HS6ST3: variants seen among roughly 807,000 people sequenced by gnomAD.
HS6ST3 encodes heparan sulfate 6-O-sulfotransferase 3.
HS6ST3 carries 12 observed loss-of-function variants against 36.7 expected under a neutral mutation model. The ratio of observed to expected loss-of-function variants is 0.33; its 90% CI spans 0.21 to 0.53. The LOEUF is 0.53. HS6ST3 is among the 20% of genes least tolerant of loss of function. The pLI is 0.95. For synonymous variants in HS6ST3, 240 were observed against 257.5 expected, an observed-to-expected ratio of 0.93 and a Z score of 0.65; for missense variants, 584 against 640.9, an observed-to-expected ratio of 0.91 and a Z score of 0.96.
intron 1 of HS6ST3, among the ~76,000 whole-genome samples, chr13:96,188,968 A>G (rs888872025): frequency 6.6e-6 from 1 of 152,274 alleles, no homozygotes. Context: ...ATATGTAGCT[A>G]TGGCTAGCAC....
At chr13:96,199,605 G>T (rs1389166117) in intron 1 of HS6ST3, among the ~76,000 whole-genome samples, 2 of 152,102 alleles carry the variant, frequency 1.3e-5, no homozygotes, top group Non-Finnish European at 2.9e-5. Context: ...TGGGGGTTCT[G>T]ATTTCTGCAT....
At chr13:96,697,168 T>C (rs1421255734) in intron 1 of HS6ST3, among the ~76,000 whole-genome samples, 1 of 151,572 alleles carries the variant, frequency 6.6e-6, no homozygotes, top group South Asian at 2.1e-4. Flanking sequence ...ATAAAATGTA[T>C]AGATGTGTGT....
intron 1 of HS6ST3, among the ~76,000 whole-genome samples, chr13:96,172,487 GTTAC>G (rs1280576063): frequency 6.6e-5 from 10 of 152,228 alleles, no homozygotes; most frequent in Admixed American, 4.6e-4. Flanking sequence ...TTACTTTCCT[GTTAC>G]TTACTCTGAA....
At chr13:96,229,327 C>G (rs2054496421) in intron 1 of HS6ST3, among the ~76,000 whole-genome samples, 1 of 152,098 alleles carries the variant, frequency 6.6e-6, no homozygotes, top group Admixed American at 6.5e-5. Context: ...TAGACTGGTG[C>G]ATTAGTCAGG....
intron 1 of HS6ST3, among the ~76,000 whole-genome samples, chr13:96,522,853 C>G (rs1369590254): frequency 6.6e-6 from 1 of 152,078 alleles, no homozygotes; most frequent in Non-Finnish European, 1.5e-5. Context: ...GACATTTATC[C>G]CATTTACATT....
intron 1 of HS6ST3, among the ~76,000 whole-genome samples, chr13:96,476,601 T>A (rs1417291398): frequency 6.6e-6 from 1 of 152,182 alleles, no homozygotes; most frequent in Non-Finnish European, 1.5e-5. Context: ...GACCTCGTGA[T>A]TGGCCAGCCT....
intron 1 of HS6ST3, among the ~76,000 whole-genome samples, chr13:96,334,570 G>A (rs2055090177): frequency 6.6e-6 from 1 of 152,190 alleles, no homozygotes; most frequent in Admixed American, 6.5e-5. Context: ...CCATATGGCT[G>A]GGGAGGCCCC....
At chr13:96,456,935 A>T (rs1406614330) in intron 1 of HS6ST3, among the ~76,000 whole-genome samples, 1 of 152,150 alleles carries the variant, frequency 6.6e-6, no homozygotes, top group African/African-American at 2.4e-5. Flanking sequence ...TATTTATAAG[A>T]TAAATTAATC....
chr13:96,493,827 T>C (rs533933655), intron 1 of HS6ST3, among the ~76,000 whole-genome samples: 22 of 152,316 alleles, frequency 1.4e-4, no homozygotes, highest in African/African-American at 5.3e-4. Context: ...AAAAATGTTA[T>C]GATTTATTAA....
chr13:96,731,905 C>A (rs1425535686), intron 1 of HS6ST3, among the ~76,000 whole-genome samples: 2 of 152,128 alleles, frequency 1.3e-5, no homozygotes, highest in Admixed American at 1.3e-4. Flanking sequence ...ATCCTCCTGG[C>A]TCCATCTCCC....
At chr13:96,731,510 G>A (rs987166481) in intron 1 of HS6ST3, among the ~76,000 whole-genome samples, 1 of 152,096 alleles carries the variant, frequency 6.6e-6, no homozygotes. Context: ...TACTTAGGTT[G>A]ATTCTGTATC....
intron 1 of HS6ST3, among the ~76,000 whole-genome samples, chr13:96,341,755 G>A (rs534443488): frequency 6.6e-6 from 1 of 152,080 alleles, no homozygotes; most frequent in South Asian, 2.1e-4. Flanking sequence ...TAGGAAATTG[G>A]GTAAAAATTC....
chr13:96,514,754 G>C (rs527460279), intron 1 of HS6ST3, among the ~76,000 whole-genome samples: 30 of 152,296 alleles, frequency 2.0e-4, no homozygotes, highest in African/African-American at 7.0e-4. Context: ...AGCTTGAGCA[G>C]ACTAATCTGG....
At chr13:96,116,873 C>A (rs541138807) in intron 1 of HS6ST3, among the ~76,000 whole-genome samples, 1 of 151,950 alleles carries the variant, frequency 6.6e-6, no homozygotes, top group Admixed American at 6.6e-5. Flanking sequence ...CAGGGAAACT[C>A]GAAGTAGGTA....
chr13:96,806,851 T>C (rs995297249), intron 1 of HS6ST3, among the ~76,000 whole-genome samples: 1 of 151,510 alleles, frequency 6.6e-6, no homozygotes, highest in Non-Finnish European at 1.5e-5. Flanking sequence ...TGTCCAAGCT[T>C]TTTATAAGCT....
intron 1 of HS6ST3, among the ~76,000 whole-genome samples, chr13:96,417,221 A>T (rs2055537995): frequency 6.6e-6 from 1 of 152,100 alleles, no homozygotes; most frequent in Non-Finnish European, 1.5e-5. Context: ...GAACCAATAA[A>T]TTGATTCATT....
chr13:96,254,481 A>G (rs1384133516), intron 1 of HS6ST3, among the ~76,000 whole-genome samples: 2 of 23,748 alleles, frequency 8.4e-5, no homozygotes, highest in African/African-American at 2.7e-4. Context: ...ATATATATAT[A>G]TATATATATA....
At chr13:96,629,681 T>C (rs1488144148) in intron 1 of HS6ST3, among the ~76,000 whole-genome samples, 1 of 152,214 alleles carries the variant, frequency 6.6e-6, no homozygotes, top group Admixed American at 6.5e-5. Flanking sequence ...TTCAATGTTA[T>C]GTACTTTCAT....
intron 1 of HS6ST3, among the ~76,000 whole-genome samples, chr13:96,179,979 A>G (rs923344494): frequency 1.3e-5 from 2 of 152,088 alleles, no homozygotes; most frequent in African/African-American, 2.4e-5. Context: ...ACAGCTGGGC[A>G]TGCACCACCA....
Sources: allele counts gnomAD v4.1 joint callset (sites outside exome capture counted in the v4.1 genomes callset), GRCh38; gene constraint gnomAD v4.1.1; transcripts MANE v1.5; gene names NCBI Gene and HGNC (gene_info 2026-07-23, HGNC 2026-07-21).